The following EPB41 variants were observed in gnomAD, a reference collection of about 807,000 sequenced individuals.
The protein encoded by EPB41 is erythrocyte membrane protein band 4.1.
In EPB41, 65 loss-of-function variants were observed where a neutral mutation model predicts 108.0. The observed-to-expected ratio is 0.60, with a 90% confidence interval of 0.49 to 0.74. The LOEUF is 0.74. Among genes scored for constraint, EPB41 ranks in the 30% least tolerant of loss-of-function variants. The pLI, the probability that EPB41 is intolerant of heterozygous loss-of-function variation, is 0.00. For synonymous variants in EPB41, 336 were observed against 358.9 expected, an observed-to-expected ratio of 0.94 and a Z score of 0.72; for missense variants, 875 against 1,037.0, an observed-to-expected ratio of 0.84 and a Z score of 2.15.
At chr1:29,098,385 C>T (rs1208336891) in intron 17 of EPB41, among the ~76,000 whole-genome samples, 1 of 152,110 alleles carries the variant, frequency 6.6e-6, no homozygotes, top group East Asian at 1.9e-4. Context: ...TCAGTAGAGA[C>T]GGGGTTTCAC....
intron 11 of EPB41, among the ~76,000 whole-genome samples, chr1:29,040,727 G>A (rs1641172828): frequency 6.6e-6 from 1 of 152,176 alleles, no homozygotes; most frequent in Non-Finnish European, 1.5e-5. Flanking sequence ...CAGAAGACCT[G>A]TCTGAATTGA....
At chr1:29,012,012 T>C (rs2096510321) in intron 5 of EPB41, 105 bp downstream of exon 5, 1 of 1,202,260 alleles carries the variant, frequency 8.3e-7, no homozygotes, top group Admixed American at 1.9e-5. Flanking sequence ...TCCTGACTAC[T>C]GCAGATTGCT....
Position 29,018,689 on chromosome 1 carries a change from G to A in EPB41, c.1124+247G>A, listed in dbSNP as rs2096607433. ...TATATGTAAAGCACTTAGCACAGTGGCTGGCTCAGTGCTCAGCAAATGGCA... is the reference window on the plus strand; with the variant it reads ...TATATGTAAAGCACTTAGCACAGTGACTGGCTCAGTGCTCAGCAAATGGCA... On this transcript the variant is annotated intron_variant, in intron 7 of 20. Transcript: ENST00000343067. This position sits in a 1 kb window ranked among gnomAD's most constrained non-coding sequence, Gnocchi z 4.4. Among the ~76,000 whole-genome samples the A allele has an allele frequency of 6.6e-6, 1 of 152,088 alleles. No individual in the cohort carries two copies. The highest frequency in any genetic ancestry group is 1.5e-5 in the Non-Finnish European group (1 of 68,014).
intron 16 of EPB41, chr1:29,071,862 A>G (rs954235384): frequency 6.6e-6 from 1 of 152,226 alleles, no homozygotes; most frequent in African/African-American, 2.4e-5. Context: ...AGGGTTATCA[A>G]ACTAAGATTA....
chr1:28,906,396 T>C (rs998641727), intron 1 of EPB41, among the ~76,000 whole-genome samples: 1 of 152,198 alleles, frequency 6.6e-6, no homozygotes, highest in Non-Finnish European at 1.5e-5. Flanking sequence ...ACAGAGCCTG[T>C]TTCTTGGAAA....
At chr1:28,999,939 A>G (rs1391946032) in intron 4 of EPB41, among the ~76,000 whole-genome samples, 1 of 152,032 alleles carries the variant, frequency 6.6e-6, no homozygotes, top group African/African-American at 2.4e-5. Context: ...ACGCACCACC[A>G]TGCTTGGCCA....
intron 16 of EPB41, chr1:29,096,078 T>C: frequency 2.2e-6 from 2 of 894,412 alleles, no homozygotes; most frequent in Non-Finnish European, 2.7e-6. Context: ...CTTCCAAAAA[T>C]CATTGTTGAT....
chr1:28,963,643 G>A (rs551792298), intron 1 of EPB41, among the ~76,000 whole-genome samples: 2 of 152,178 alleles, frequency 1.3e-5, no homozygotes, highest in South Asian at 4.1e-4. Context: ...AAGGGTCTGT[G>A]GCTTTCATTA....
chr1:29,077,702 T>G (rs1363986185), intron 16 of EPB41, among the ~76,000 whole-genome samples: 1 of 152,178 alleles, frequency 6.6e-6, no homozygotes, highest in Non-Finnish European at 1.5e-5. Context: ...AATAAATATT[T>G]TAGGCTTTGC....
At chr1:29,028,513 A>G (rs1185595878) in intron 7 of EPB41, among the ~76,000 whole-genome samples, 6 of 152,194 alleles carry the variant, frequency 3.9e-5, no homozygotes, top group South Asian at 4.1e-4. Context: ...AGAAATACGC[A>G]TTATTATGAT....
intron 7 of EPB41, among the ~76,000 whole-genome samples, chr1:29,022,308 GTTCATTGATAAGT>G (rs2096655922): frequency 7.2e-6 from 1 of 138,048 alleles, no homozygotes; most frequent in African/African-American, 2.7e-5. Flanking sequence ...AGTACAAAAA[GTTCATTGATAAGT>G]TTCTACATTT....
chr1:28,941,175 C>T (rs1445150717), intron 1 of EPB41, among the ~76,000 whole-genome samples: 2 of 150,200 alleles, frequency 1.3e-5, no homozygotes, highest in African/African-American at 2.5e-5. Context: ...CTCAGGAGTT[C>T]GAGATTAGCC....
Position 29,117,586 on chromosome 1 carries a change from C to G in EPB41, c.*774C>G, listed in dbSNP as rs766305031. On this transcript the variant is annotated 3_prime_UTR_variant, in exon 21 of 21. Transcript: ENST00000343067. ...CCTTTTACCTCATCAGAAGCAGTGG[C>G]TCAGCTAAGTGCTCCCCCTAGCTCC... is the stretch of plus-strand genomic sequence containing the variant. 1 of 152,664 alleles carries G rather than the reference C, an allele frequency of 6.6e-6. No individual in the cohort carries two copies. Among genetic ancestry groups the G allele is most frequent in the African/African-American group, 2.4e-5 (1 of 41,458 alleles). The allele number at this position is 152,664 out of a possible 1,614,324, so 9.5% of individuals were successfully genotyped here. A position where few individuals can be genotyped will look rare whatever the true frequency, so the allele number is the denominator to read the frequency against.
At chr1:28,924,498 C>G (rs1234020855) in intron 1 of EPB41, among the ~76,000 whole-genome samples, 3 of 151,874 alleles carry the variant, frequency 2.0e-5, no homozygotes, top group Non-Finnish European at 4.4e-5. Flanking sequence ...CACTGCACTC[C>G]AGCTCTGGGT....
At chr1:28,945,099 A>G (rs169449) in intron 1 of EPB41, among the ~76,000 whole-genome samples, 28,109 of 151,316 alleles carry the variant, frequency 0.19, 3,346 homozygotes, top group East Asian at 0.47. Context: ...AAAAGAAAAA[A>G]AAAAAAAAAG....
At chr1:29,019,442 TATTAA>T (rs2096615928) in intron 7 of EPB41, among the ~76,000 whole-genome samples, 1 of 152,184 alleles carries the variant, frequency 6.6e-6, no homozygotes, top group African/African-American at 2.4e-5. Context: ...TATTAGCTAA[TATTAA>T]AGTGCCAGAA....
In EPB41 at chr1:28,887,354, T is replaced by C; in HGVS notation, c.-8+144T>C. The C allele has an allele frequency of 8.7e-7, 1 of 1,147,838 alleles. No homozygotes were observed. Among genetic ancestry groups the C allele is most frequent in the Middle Eastern group, 4.0e-4 (1 of 2,482 alleles). The allele number at this position is 1,147,838 out of a possible 1,614,324, so 71.1% of individuals were successfully genotyped here. Reference sequence around the variant, plus strand: ...GGTCCAGGGCTGAGGGGTCCAGCGGTCCCGAATTCCAGAATCCGAACTTGG... The same window carrying C: ...GGTCCAGGGCTGAGGGGTCCAGCGGCCCCGAATTCCAGAATCCGAACTTGG... On this transcript the variant is annotated intron_variant, in intron 1 of 16. Coordinates refer to the EPB41 transcript ENST00000347529. The surrounding 1 kb of genome is among the most constrained non-coding windows in gnomAD (Gnocchi z 4.9).
At chr1:28,943,351 G>A (rs1467638042) in intron 1 of EPB41, among the ~76,000 whole-genome samples, 1 of 152,146 alleles carries the variant, frequency 6.6e-6, no homozygotes, top group Non-Finnish European at 1.5e-5. Flanking sequence ...TCAGAGAAAT[G>A]CAAATCAAAA....
intron 17 of EPB41, among the ~76,000 whole-genome samples, chr1:29,102,533 C>G (rs1211345845): frequency 6.6e-6 from 1 of 152,098 alleles, no homozygotes; most frequent in Non-Finnish European, 1.5e-5. Flanking sequence ...CACTGTAAAA[C>G]ATTTTGAAGT....
Sources: gnomAD v4.1 joint callset for allele counts (sites outside exome capture counted in the v4.1 genomes callset) on GRCh38, gnomAD v4.1.1 for gene constraint, Gnocchi (gnomAD v3.1) non-coding constraint, MANE v1.5 for transcripts, NCBI Gene and HGNC (gene_info 2026-07-23, HGNC 2026-07-21) for gene names.